Variants in RNF152 observed in about 807,000 individuals in gnomAD.
The protein encoded by RNF152 is E3 ubiquitin-protein ligase RNF152.
Under a neutral mutation model 12.7 loss-of-function variants are expected in RNF152, and 11 were observed. That is an observed-to-expected ratio of 0.86 (90% CI 0.54 to 1.43). RNF152 has a LOEUF of 1.43. Ranked by LOEUF, RNF152 falls within the 40% of genes most tolerant of loss-of-function variation. The pLI is 0.00. For synonymous variants in RNF152, 113 were observed against 120.3 expected (o/e 0.94, Z 0.40); for missense variants, 255 against 274.8 (o/e 0.93, Z 0.51).
chr18:61,890,833 T>A (rs528657035), intron 1 of RNF152, among the ~76,000 whole-genome samples: 2 of 152,292 alleles, frequency 1.3e-5, no homozygotes, highest in South Asian at 4.1e-4. Context: ...AGGACCGAAC[T>A]GTATGGAATT....
chr18:61,891,456 G>A (rs1471848228), intron 1 of RNF152, among the ~76,000 whole-genome samples: 1 of 151,786 alleles, frequency 6.6e-6, no homozygotes, highest in East Asian at 1.9e-4. Context: ...CCACACCCTT[G>A]TTTCTATTGC....
intron 1 of RNF152, among the ~76,000 whole-genome samples, chr18:61,845,084 G>A (rs988865511): frequency 2.6e-5 from 4 of 152,188 alleles, no homozygotes; most frequent in South Asian, 2.1e-4. Context: ...GGTGGGTGGT[G>A]GGTTTTTTGT....
At position 61,812,751 on chromosome 18, in the gene RNF152, C is replaced by T. The variant is rs774877088; in HGVS notation, c.*3101G>A. The T allele has an allele frequency of 6.6e-6, 1 of 152,178 alleles. No individual in the cohort carries two copies. The highest frequency in any genetic ancestry group is 1.5e-5 in the Non-Finnish European group (1 of 68,040). 9.4% of individuals were successfully genotyped at this position (152,178 alleles called of 1,614,324 possible). ...TTTACAATTTTAAAAATTCAAACCA[C>T]ATGGTTTGATAGTTGTCTTTCAACA... On this transcript the variant is annotated 3_prime_UTR_variant, in exon 2 of 2. Transcript: ENST00000312828.
At chr18:61,870,176 T>C (rs1297906305) in intron 1 of RNF152, among the ~76,000 whole-genome samples, 1 of 152,164 alleles carries the variant, frequency 6.6e-6, no homozygotes, top group Non-Finnish European at 1.5e-5. Context: ...CTTTTAGGAT[T>C]ATAAAGAAGC....
At chr18:61,834,263 C>G (rs1305196864) in intron 1 of RNF152, among the ~76,000 whole-genome samples, 2 of 152,230 alleles carry the variant, frequency 1.3e-5, no homozygotes, top group Non-Finnish European at 2.9e-5. Context: ...AAGAGAAGGA[C>G]AGCATCCCAA....
chr18:61,825,458 G>A (rs969220626), intron 1 of RNF152, among the ~76,000 whole-genome samples: 1 of 152,206 alleles, frequency 6.6e-6, no homozygotes, highest in African/African-American at 2.4e-5. Flanking sequence ...AGAGATACTG[G>A]AGAGAGAAGA....
At chr18:61,833,775 T>A (rs1910057783) in intron 1 of RNF152, among the ~76,000 whole-genome samples, 1 of 152,170 alleles carries the variant, frequency 6.6e-6, no homozygotes, top group South Asian at 2.1e-4. Context: ...TGACAACAAT[T>A]TGAAGAGATT....
chr18:61,834,065 G>A (rs1910072431), intron 1 of RNF152, among the ~76,000 whole-genome samples: 1 of 152,188 alleles, frequency 6.6e-6, no homozygotes, highest in African/African-American at 2.4e-5. Context: ...ACCAGACACT[G>A]GAGCAAAAGA....
At chr18:61,833,333 A>C (rs183281545) in intron 1 of RNF152, among the ~76,000 whole-genome samples, 2 of 152,336 alleles carry the variant, frequency 1.3e-5, no homozygotes, top group Non-Finnish European at 2.9e-5. Flanking sequence ...TGAGTAACTT[A>C]AAATAAAACA....
chr18:61,825,638 A>T (rs964719362), intron 1 of RNF152, among the ~76,000 whole-genome samples: 15 of 152,162 alleles, frequency 9.9e-5, no homozygotes, highest in African/African-American at 3.4e-4. Flanking sequence ...TGCAGTCATC[A>T]CTGGAGGTGA....
chr18:61,889,316 C>G (rs1912841852), intron 1 of RNF152, among the ~76,000 whole-genome samples: 1 of 152,060 alleles, frequency 6.6e-6, no homozygotes, highest in South Asian at 2.1e-4. Flanking sequence ...ATTACTGAAC[C>G]AAAAGCAATA....
At position 61,882,383 on chromosome 18, in the gene RNF152, G is replaced by A. The variant is rs566982365; in HGVS notation, c.-136+10412C>T. ...TGCCTTTTTATTCGGTGAAGTAATAGACTATGAAGAAATCTGGCTTGCCAG... is the reference window on the plus strand; with the variant it reads ...TGCCTTTTTATTCGGTGAAGTAATAAACTATGAAGAAATCTGGCTTGCCAG... On this transcript the variant is annotated intron_variant, in intron 1 of 1. Transcript: ENST00000312828. Among the ~76,000 whole-genome samples, 141 of 152,302 alleles carry A rather than the reference G, an allele frequency of 9.3e-4. 1 individual carries two copies. Among genetic ancestry groups the A allele is most frequent in the Middle Eastern group, 6.8e-3 (2 of 294 alleles).
intron 1 of RNF152, among the ~76,000 whole-genome samples, chr18:61,867,215 G>A (rs577329276): frequency 1.4e-4 from 22 of 152,236 alleles, no homozygotes; most frequent in Non-Finnish European, 2.8e-4. Flanking sequence ...CCAACACTTC[G>A]GGAGGCAGGT....
chr18:61,873,692 C>A (rs1912094195), intron 1 of RNF152, among the ~76,000 whole-genome samples: 1 of 152,182 alleles, frequency 6.6e-6, no homozygotes, highest in African/African-American at 2.4e-5. Flanking sequence ...GGGTTACCAC[C>A]ACCATTTGTT....
At chr18:61,852,690 G>A (rs904561249) in intron 1 of RNF152, among the ~76,000 whole-genome samples, 3 of 152,112 alleles carry the variant, frequency 2.0e-5, no homozygotes, top group Non-Finnish European at 4.4e-5. Context: ...TTGGCTTCCT[G>A]AGGTTCTGAT....
chr18:61,816,054 G>T lies in RNF152; in HGVS notation c.410C>A (p.Ala137Asp), dbSNP rs554939374. 4 of 1,614,252 alleles carry T rather than the reference G, an allele frequency of 2.5e-6. No individual in the cohort carries two copies. The highest frequency in any genetic ancestry group is 1.1e-5 in the South Asian group (1 of 91,084). The change falls in exon 2 of 2, where the codon GCT becomes GAT. Residue 137 changes from alanine (A) to aspartate (D), a missense_variant. Ala to Asp is a moderately radical substitution (Grantham distance 126). Transcript: ENST00000312828. ...QKSVTVVTIPAEQQPLQGGAP... is the reference protein window; with the variant it reads ...QKSVTVVTIPDEQQPLQGGAP... Reference sequence around the variant, plus strand: ...CCCACCTTGCAGAGGCTGCTGTTCAGCAGGGATGGTCACCACGGTGACGGA... The same window carrying T: ...CCCACCTTGCAGAGGCTGCTGTTCATCAGGGATGGTCACCACGGTGACGGA...
intron 1 of RNF152, among the ~76,000 whole-genome samples, chr18:61,891,742 T>C (rs991839722): frequency 5.3e-5 from 8 of 152,164 alleles, no homozygotes; most frequent in African/African-American, 9.7e-5. Flanking sequence ...CAAAACTACA[T>C]TGGAGGTGAA....
chr18:61,886,039 A>C (rs1912685112), intron 1 of RNF152, among the ~76,000 whole-genome samples: 2 of 140,726 alleles, frequency 1.4e-5, no homozygotes, highest in South Asian at 4.4e-4. Flanking sequence ...GGCAAATGGA[A>C]GTTGAAAAAC....
chr18:61,861,632 A>G (rs1911488041), intron 1 of RNF152, among the ~76,000 whole-genome samples: 1 of 152,236 alleles, frequency 6.6e-6, no homozygotes, highest in East Asian at 1.9e-4. Flanking sequence ...GGTAATTTAT[A>G]AAGAAAACAG....
Sources: gnomAD v4.1 joint callset for allele counts (sites outside exome capture counted in the v4.1 genomes callset) on GRCh38, gnomAD v4.1.1 for gene constraint, MANE v1.5 for transcripts, NCBI Gene and HGNC (gene_info 2026-07-23, HGNC 2026-07-21) for gene names.